Variants in LGR6 observed in about 807,000 individuals in gnomAD.
The protein encoded by LGR6 is leucine rich repeat containing G protein-coupled receptor 6.
A neutral mutation model predicts 69.4 loss-of-function variants in LGR6; 45 were observed. That is an observed-to-expected ratio of 0.65 (90% CI 0.51 to 0.83). The LOEUF (loss-of-function observed/expected upper bound fraction) is 0.83. Among genes scored for constraint, LGR6 ranks in the 40% least tolerant of loss-of-function variants. LGR6 has a pLI of 0.00. For synonymous variants in LGR6, 538 were observed against 555.0 expected (o/e 0.97, Z 0.43); for missense variants, 1,108 against 1,246.7 (o/e 0.89, Z 1.68).
At chr1:202,274,273 A>T (rs1466099894) in intron 4 of LGR6, among the ~76,000 whole-genome samples, 6 of 152,186 alleles carry the variant, frequency 3.9e-5, no homozygotes, top group Non-Finnish European at 8.8e-5. Context: ...CCATTTATTT[A>T]AAAACATTGA....
At chr1:202,317,384 G>GCCCAGGCTGGAGTGCAGTA (rs1654230509) in intron 17 of LGR6, among the ~76,000 whole-genome samples, 1 of 149,888 alleles carries the variant, frequency 6.7e-6, no homozygotes, top group African/African-American at 2.5e-5. Context: ...TTGCTCTGTT[G>GCCCAGGCTGGAGTGCAGTA]CCCAGGCTGG....
intron 3 of LGR6, among the ~76,000 whole-genome samples, chr1:202,228,540 C>A (rs956928252): frequency 6.6e-6 from 1 of 152,208 alleles, no homozygotes; most frequent in African/African-American, 2.4e-5. Context: ...CCCTTTGAAG[C>A]AAAAGGAAAG....
chr1:202,254,924 A>G (rs1663640798), intron 4 of LGR6, among the ~76,000 whole-genome samples: 1 of 151,286 alleles, frequency 6.6e-6, no homozygotes, highest in Admixed American at 6.6e-5. Context: ...AAGGAAAGAG[A>G]AAAGAGTTGA....
At chr1:202,257,430 T>G (rs1188687906) in intron 4 of LGR6, among the ~76,000 whole-genome samples, 1 of 152,196 alleles carries the variant, frequency 6.6e-6, no homozygotes, top group Non-Finnish European at 1.5e-5. Context: ...TTTAACAGTT[T>G]TAGGTCTTTA....
intron 1 of LGR6, among the ~76,000 whole-genome samples, chr1:202,199,396 G>T (rs1658756103): frequency 6.6e-6 from 1 of 151,988 alleles, no homozygotes; most frequent in Non-Finnish European, 1.5e-5. Context: ...GGAGGTGGGT[G>T]AATGTGTGGG....
chr1:202,226,214 G>C (rs1660537294), intron 2 of LGR6, among the ~76,000 whole-genome samples: 1 of 152,078 alleles, frequency 6.6e-6, no homozygotes, highest in Non-Finnish European at 1.5e-5. Context: ...TGGGGAGCCA[G>C]GTCATTCTGT....
At chr1:202,201,616 C>G (rs1658841573) in intron 1 of LGR6, among the ~76,000 whole-genome samples, 1 of 152,222 alleles carries the variant, frequency 6.6e-6, no homozygotes, top group Non-Finnish European at 1.5e-5. Flanking sequence ...AGGCCCACAG[C>G]TGAGGGGTTT....
chr1:202,205,353 CACACACA>C (rs1558004945), intron 1 of LGR6, among the ~76,000 whole-genome samples: 51 of 2,152 alleles, frequency 0.024, 2 homozygotes, highest in Middle Eastern at 0.17. Flanking sequence ...CTCCTTCAAA[CACACACA>C]CACCTCCAAA....
intron 4 of LGR6, among the ~76,000 whole-genome samples, chr1:202,260,385 G>C (rs1039993452): frequency 1.3e-5 from 2 of 151,766 alleles, no homozygotes; most frequent in South Asian, 2.1e-4. Context: ...CCAGGCTGTA[G>C]TGCAGTGGCA....
intron 4 of LGR6, among the ~76,000 whole-genome samples, chr1:202,260,807 G>T (rs1439568221): frequency 6.6e-6 from 1 of 152,052 alleles, no homozygotes; most frequent in Middle Eastern, 3.2e-3. Flanking sequence ...AAAATTATTG[G>T]ATCACAATCT....
chr1:202,295,904 TGTGTG>T, intron 6 of LGR6, among the ~76,000 whole-genome samples: 1 of 114,926 alleles, frequency 8.7e-6, no homozygotes, highest in African/African-American at 2.8e-5. Context: ...TGTGTGTGTG[TGTGTG>T]TGTGTGACAA....
chr1:202,206,723 AG>A (rs1266786159), intron 1 of LGR6, among the ~76,000 whole-genome samples: 1 of 151,920 alleles, frequency 6.6e-6, no homozygotes, highest in African/African-American at 2.4e-5. Flanking sequence ...CTAATTTTTA[AG>A]TTTTTTTAAA....
Position 202,225,504 on chromosome 1 carries a change from T to C in LGR6, c.284+10T>C, listed in dbSNP as rs998508292. 3.1e-6 allele frequency: 5 copies of C among 1,612,436 alleles called. No homozygotes were observed. The highest frequency in any genetic ancestry group is 4.5e-5 in the East Asian group (2 of 44,844). ...GCTTCTTGGAGGAGCTGTGAGTAGA[T>C]GCTTTGCAGGGTGGGAGGCAAGCAT... On this transcript the variant is annotated intron_variant, in intron 2 of 17. Coordinates refer to ENST00000367278, the MANE Select transcript of LGR6 (RefSeq NM_001017403.2).
chr1:202,267,130 A>G (rs1016851146), intron 4 of LGR6, among the ~76,000 whole-genome samples: 4 of 152,250 alleles, frequency 2.6e-5, no homozygotes, highest in African/African-American at 9.6e-5. Flanking sequence ...CAAGAGCTCA[A>G]TAGCCACAGG....
chr1:202,309,421 C>T (rs548177262), intron 15 of LGR6, among the ~76,000 whole-genome samples: 2 of 152,328 alleles, frequency 1.3e-5, no homozygotes, highest in South Asian at 4.1e-4. Flanking sequence ...AGCACTGGGA[C>T]CTGAGAGTGA....
At chr1:202,221,760 T>C (rs1430490738) in intron 1 of LGR6, among the ~76,000 whole-genome samples, 2 of 152,170 alleles carry the variant, frequency 1.3e-5, no homozygotes, top group East Asian at 3.9e-4. Context: ...TTCTTGTACA[T>C]GTCTACAAGT....
chr1:202,206,091 C>T (rs1659220908), intron 1 of LGR6, among the ~76,000 whole-genome samples: 1 of 152,238 alleles, frequency 6.6e-6, no homozygotes. Context: ...AGCTCCAGAT[C>T]TGGGGCAACC....
At chr1:202,242,404 G>A (rs570101505) in intron 4 of LGR6, among the ~76,000 whole-genome samples, 89 of 152,182 alleles carry the variant, frequency 5.8e-4, no homozygotes, top group African/African-American at 2.0e-3. Flanking sequence ...CACTAGCTAC[G>A]AGGCCATGGC....
At chr1:202,288,277 C>T (rs912219353) in intron 6 of LGR6, among the ~76,000 whole-genome samples, 1 of 152,168 alleles carries the variant, frequency 6.6e-6, no homozygotes, top group African/African-American at 2.4e-5. Context: ...ACCTCCATTC[C>T]CAGCACTCTC....
Sources: allele counts gnomAD v4.1 joint callset (sites outside exome capture counted in the v4.1 genomes callset), GRCh38; gene constraint gnomAD v4.1.1; transcripts MANE v1.5; gene names NCBI Gene and HGNC (gene_info 2026-07-23, HGNC 2026-07-21).